EYS: variants seen among roughly 807,000 people sequenced by gnomAD.
EYS encodes protein eyes shut homolog.
A neutral mutation model predicts 282.1 loss-of-function variants in EYS; 250 were observed. The observed-to-expected ratio is 0.89, with a 90% confidence interval of 0.80 to 0.98. The LOEUF is 0.98. Among genes scored for constraint, EYS ranks in the 50% least tolerant of loss-of-function variants. The pLI is 0.00. For missense variants in EYS, 4,016 were observed against 3,709.0 expected (o/e 1.08, Z -2.15); for synonymous variants, 1,355 against 1,282.9 (o/e 1.06, Z -1.20).
intron 26 of EYS, among the ~76,000 whole-genome samples, chr6:64,538,040 C>T (rs555025906): frequency 1.3e-5 from 2 of 152,018 alleles, no homozygotes; most frequent in South Asian, 2.1e-4. Flanking sequence ...CATGATTAAA[C>T]AAGCTACTAA....
At chr6:64,995,683 T>A (rs1160124145) in intron 14 of EYS, among the ~76,000 whole-genome samples, 1 of 150,770 alleles carries the variant, frequency 6.6e-6, no homozygotes, top group Non-Finnish European at 1.5e-5. Context: ...GATGAGAACT[T>A]TATCTCTTCT....
intron 12 of EYS, among the ~76,000 whole-genome samples, chr6:65,168,970 C>T (rs1222687916): frequency 6.6e-6 from 1 of 151,220 alleles, no homozygotes; most frequent in Non-Finnish European, 1.5e-5. Context: ...TTACCTTTAC[C>T]ATGTTTTAAG....
At chr6:63,820,210 T>C (rs1771286290) in intron 36 of EYS, among the ~76,000 whole-genome samples, 1 of 152,240 alleles carries the variant, frequency 6.6e-6, no homozygotes, top group South Asian at 2.1e-4. Context: ...TTACTTTAAT[T>C]GTATTTCCCT....
intron 40 of EYS, 179 bp downstream of exon 40, chr6:63,777,827 C>A (rs914395265): frequency 3.3e-6 from 2 of 599,828 alleles, no homozygotes. Context: ...AAATGCTGTG[C>A]TGATCCTATT....
chr6:65,179,682 G>A (rs1220554660), intron 12 of EYS, among the ~76,000 whole-genome samples: 1 of 152,214 alleles, frequency 6.6e-6, no homozygotes, highest in South Asian at 2.1e-4. Context: ...TAGAAAAAGA[G>A]GGAATCCTCC....
At chr6:65,172,966 C>T (rs1270763626) in intron 12 of EYS, among the ~76,000 whole-genome samples, 1 of 142,600 alleles carries the variant, frequency 7.0e-6, no homozygotes, top group Non-Finnish European at 1.5e-5. Flanking sequence ...AATATGAGCC[C>T]TAAAGCCTGG....
chr6:65,387,807 T>G (rs1282618454), intron 7 of EYS, among the ~76,000 whole-genome samples: 4 of 151,988 alleles, frequency 2.6e-5, no homozygotes, highest in African/African-American at 9.7e-5. Flanking sequence ...AACAGTTATA[T>G]TTGTAATTTT....
At chr6:64,993,243 G>C (rs1009890166) in intron 14 of EYS, among the ~76,000 whole-genome samples, 3 of 151,842 alleles carry the variant, frequency 2.0e-5, no homozygotes, top group African/African-American at 7.3e-5. Flanking sequence ...CATTTGGGTT[G>C]GTTCCAAGTC....
chr6:65,206,649 AATCTGAC>A (rs1283344633), intron 12 of EYS, among the ~76,000 whole-genome samples: 2 of 151,856 alleles, frequency 1.3e-5, no homozygotes, highest in Non-Finnish European at 2.9e-5. Context: ...AAGTAAACTG[AATCTGAC>A]ATCAAAAAGA....
intron 26 of EYS, among the ~76,000 whole-genome samples, chr6:64,448,676 G>A (rs545902043): frequency 7.2e-5 from 11 of 152,296 alleles, no homozygotes; most frequent in African/African-American, 2.6e-4. Flanking sequence ...GGAACGATCA[G>A]GCAGCAGCAT....
In EYS at chr6:64,064,641, T is replaced by C. The variant is rs1771300247; in HGVS notation, c.6725+1697A>G. ...AATATTTATTTTACAGGTTGTTTTTTTCCTGAGGCTATCTCAGAATCTGAA... is the reference window on the plus strand; with the variant it reads ...AATATTTATTTTACAGGTTGTTTTTCTCCTGAGGCTATCTCAGAATCTGAA... On this transcript the variant is annotated intron_variant, in intron 33 of 42. Transcript: ENST00000503581. 2.0e-5 allele frequency among the ~76,000 whole-genome samples: 3 copies of C among 152,308 alleles called. No individual in the cohort carries two copies. In the South Asian group the frequency reaches 6.2e-4, roughly 32 times the overall value.
chr6:64,891,484 G>A (rs376896459), intron 18 of EYS, among the ~76,000 whole-genome samples: 33 of 152,018 alleles, frequency 2.2e-4, no homozygotes, highest in African/African-American at 4.6e-4. Flanking sequence ...TGCACTTAAC[G>A]TTGGCCCTTC....
At chr6:64,126,638 C>G (rs1773796430) in intron 31 of EYS, among the ~76,000 whole-genome samples, 1 of 152,110 alleles carries the variant, frequency 6.6e-6, no homozygotes, top group African/African-American at 2.4e-5. Flanking sequence ...AGCTTCTTCA[C>G]ACTTCTCCTC....
At chr6:63,944,889 G>C (rs748537075) in intron 35 of EYS, among the ~76,000 whole-genome samples, 1 of 151,992 alleles carries the variant, frequency 6.6e-6, no homozygotes, top group African/African-American at 2.4e-5. Flanking sequence ...AGCCAAGATC[G>C]TGTCACCGCA....
At chr6:65,672,671 A>T (rs1768431429) in intron 1 of EYS, among the ~76,000 whole-genome samples, 5 of 152,118 alleles carry the variant, frequency 3.3e-5, no homozygotes, top group Admixed American at 3.3e-4. Context: ...TATATGAATT[A>T]CTCAACAAAA....
At chr6:65,148,823 C>T (rs760886346) in intron 12 of EYS, among the ~76,000 whole-genome samples, 1 of 152,122 alleles carries the variant, frequency 6.6e-6, no homozygotes, top group Non-Finnish European at 1.5e-5. Flanking sequence ...CCTCGCTTGA[C>T]TTCTGTGTAC....
Position 64,137,438 on chromosome 6 carries a change from T to G in EYS, c.6425-55436A>C, listed in dbSNP as rs558846849. Among the ~76,000 whole-genome samples the G allele has an allele frequency of 3.9e-5, 6 of 152,316 alleles. No homozygotes were observed. The East Asian group carries it at 1.2e-3, about 29-fold the overall frequency. On this transcript the variant is annotated intron_variant, in intron 31 of 42. Transcript: ENST00000503581. Reference sequence around the variant, plus strand: ...CAAGAGACCTAGCATTTGACCTGTTTCAGCTTTCAACATGCCTTCCTCACG... The same window carrying G: ...CAAGAGACCTAGCATTTGACCTGTTGCAGCTTTCAACATGCCTTCCTCACG...
intron 11 of EYS, chr6:65,330,504 C>T: frequency 1.0e-6 from 1 of 984,134 alleles, no homozygotes; most frequent in Non-Finnish European, 1.2e-6. Context: ...ATTTTATAAA[C>T]CCCCAGAAAA....
intron 12 of EYS, among the ~76,000 whole-genome samples, chr6:65,131,343 G>A (rs1775870270): frequency 6.6e-6 from 1 of 151,790 alleles, no homozygotes; most frequent in African/African-American, 2.4e-5. Flanking sequence ...ACAATCATCA[G>A]CAAATGCAGA....
Sources: gnomAD v4.1 joint callset for allele counts (sites outside exome capture counted in the v4.1 genomes callset) on GRCh38, gnomAD v4.1.1 for gene constraint, MANE v1.5 for transcripts, NCBI Gene and HGNC (gene_info 2026-07-23, HGNC 2026-07-21) for gene names.